Variants in PIK3C3 observed in about 807,000 individuals in gnomAD.
The protein encoded by PIK3C3 is PI3-kinase type 3.
In PIK3C3, 95 loss-of-function variants were observed where a neutral mutation model predicts 126.1. That is an observed-to-expected ratio of 0.75 (90% CI 0.64 to 0.89). The LOEUF (loss-of-function observed/expected upper bound fraction) is 0.89, where lower values mean the gene tolerates loss of function less well. PIK3C3 is among the 40% of genes least tolerant of loss of function. PIK3C3 has a pLI of 0.00. For missense variants in PIK3C3, 829 were observed against 1,063.2 expected (o/e 0.78, Z 3.06); for synonymous variants, 374 against 360.0 (o/e 1.04, Z -0.44).
intron 10 of PIK3C3, among the ~76,000 whole-genome samples, chr18:42,011,586 A>G (rs753138277): frequency 6.6e-6 from 1 of 152,134 alleles, no homozygotes; most frequent in Non-Finnish European, 1.5e-5. Context: ...CAAAACTTCT[A>G]TATCAGCAAT....
At position 42,078,340 on chromosome 18, in the gene PIK3C3, G is replaced by A. The variant is rs182523643; in HGVS notation, c.2650-2783G>A. Among the ~76,000 whole-genome samples the A allele has an allele frequency of 4.5e-3, 622 of 137,822 alleles. 6 individuals carry two copies. The highest frequency in any genetic ancestry group is 7.4e-3 in the South Asian group (32 of 4,352). 90.4% of individuals were successfully genotyped at this position (137,822 alleles called of 152,430 possible). Reference sequence around the variant, plus strand: ...TGCAGTGAGCCGAGATTGCGCCACTGCAGTCCGCAGTCCGGCCTGGGCAAC... The same window carrying A: ...TGCAGTGAGCCGAGATTGCGCCACTACAGTCCGCAGTCCGGCCTGGGCAAC... On this transcript the variant is annotated intron_variant, in intron 24 of 24. Transcript: ENST00000262039.
intron 4 of PIK3C3, among the ~76,000 whole-genome samples, chr18:41,979,064 TAAA>T (rs5824388): frequency 3.2e-5 from 3 of 93,764 alleles, no homozygotes; most frequent in African/African-American, 4.3e-5. Flanking sequence ...CCCCGTCTCT[TAAA>T]AAAAAAAAAA....
chr18:42,042,653 A>G (rs534218007), intron 19 of PIK3C3, among the ~76,000 whole-genome samples: 1 of 152,340 alleles, frequency 6.6e-6, no homozygotes, highest in African/African-American at 2.4e-5. Flanking sequence ...ATAAAATGAA[A>G]ACAGTGACAG....
At chr18:41,963,492 C>G (rs1980201749) in intron 3 of PIK3C3, among the ~76,000 whole-genome samples, 1 of 152,130 alleles carries the variant, frequency 6.6e-6, no homozygotes, top group African/African-American at 2.4e-5. Context: ...TGGCAGTACA[C>G]TACTAGTGAT....
At chr18:41,999,502 C>T (rs962758841) in intron 9 of PIK3C3, among the ~76,000 whole-genome samples, 2 of 152,060 alleles carry the variant, frequency 1.3e-5, no homozygotes, top group Admixed American at 6.6e-5. Context: ...ATATTTGTGT[C>T]TCCTGACAAG....
At chr18:42,057,756 TA>T in intron 21 of PIK3C3, 126 bp from the exon 22 acceptor site, 1 of 809,038 alleles carries the variant, frequency 1.2e-6, no homozygotes, top group East Asian at 2.8e-5. Context: ...TCGAAGAATT[TA>T]ATAGGCTTCA....
At chr18:42,040,256 A>C (rs1291365620) in intron 18 of PIK3C3, among the ~76,000 whole-genome samples, 1 of 151,412 alleles carries the variant, frequency 6.6e-6, no homozygotes, top group East Asian at 1.9e-4. Flanking sequence ...GCCATTACAT[A>C]ACAGTTTTAC....
At chr18:41,983,721 G>C (rs980778556) in intron 4 of PIK3C3, among the ~76,000 whole-genome samples, 1 of 152,118 alleles carries the variant, frequency 6.6e-6, no homozygotes, top group Non-Finnish European at 1.5e-5. Flanking sequence ...AGTGCAGCAA[G>C]TTGGCCTACT....
intron 4 of PIK3C3, among the ~76,000 whole-genome samples, chr18:41,986,766 A>T (rs1981497731): frequency 6.6e-6 from 1 of 152,076 alleles, no homozygotes; most frequent in Non-Finnish European, 1.5e-5. Flanking sequence ...CTTTTCATAC[A>T]TTTTCATATA....
intron 22 of PIK3C3, among the ~76,000 whole-genome samples, chr18:42,059,474 G>A (rs532053893): frequency 3.3e-4 from 50 of 152,186 alleles, no homozygotes; most frequent in Admixed American, 5.9e-4. Context: ...GGGAGGTGGC[G>A]GACAAGATGG....
intron 14 of PIK3C3, among the ~76,000 whole-genome samples, chr18:42,027,800 G>A (rs1217550032): frequency 3.3e-5 from 5 of 151,990 alleles, no homozygotes; most frequent in Non-Finnish European, 7.4e-5. Context: ...GATTAAAGGC[G>A]CCCGCTACCA....
At chr18:42,020,743 C>A in intron 13 of PIK3C3, 38 bp downstream of exon 13, 1 of 1,126,244 alleles carries the variant, frequency 8.9e-7, no homozygotes, top group Non-Finnish European at 1.3e-6. Flanking sequence ...TTCTTATTAC[C>A]CTTAAGAATT....
At chr18:42,077,375 CCAGAG>C (rs1245099716) in intron 24 of PIK3C3, among the ~76,000 whole-genome samples, 1 of 152,148 alleles carries the variant, frequency 6.6e-6, no homozygotes, top group Non-Finnish European at 1.5e-5. Flanking sequence ...AGCATTTTGC[CCAGAG>C]TAGAACTTTT....
chr18:42,050,227 A>G (rs1425774802), intron 21 of PIK3C3: 1 of 152,176 alleles, frequency 6.6e-6, no homozygotes, highest in Non-Finnish European at 1.5e-5. Flanking sequence ...GATTGTTAAA[A>G]TGTCCTTTCT....
intron 17 of PIK3C3, among the ~76,000 whole-genome samples, chr18:42,038,508 A>G (rs1053417420): frequency 9.9e-5 from 15 of 151,756 alleles, no homozygotes; most frequent in African/African-American, 3.4e-4. Context: ...CGCCCAGCTA[A>G]TTTTTTGTAT....
chr18:42,083,380 A>T lies in PIK3C3; in HGVS notation c.*2243A>T, dbSNP rs1174624554. 6.6e-6 allele frequency: 1 copy of T among 152,198 alleles called. No individual in the cohort carries two copies. Among genetic ancestry groups the T allele is most frequent in the Non-Finnish European group, 1.5e-5 (1 of 68,036 alleles). 9.4% of individuals were successfully genotyped at this position (152,198 alleles called of 1,614,324 possible). On this transcript the variant is annotated 3_prime_UTR_variant, in exon 25 of 25. Transcript: ENST00000262039. ...ACATCACTTTAATTAAAAAAGTGTG[A>T]GTACTATGGTCATTAAGTTATTCAG... is the stretch of plus-strand genomic sequence containing the variant.
intron 10 of PIK3C3, among the ~76,000 whole-genome samples, chr18:42,006,417 T>C (rs1400241436): frequency 9.1e-6 from 1 of 109,620 alleles, no homozygotes; most frequent in Non-Finnish European, 1.7e-5. Context: ...GATTAAATCA[T>C]TGGCTGCTGG....
intron 22 of PIK3C3, chr18:42,059,770 C>CTTT (rs35520496): frequency 1.4e-5 from 2 of 141,026 alleles, no homozygotes; most frequent in Non-Finnish European, 1.6e-5. Context: ...ATTTGATCAA[C>CTTT]TTTTTTTTTT....
Position 42,026,284 on chromosome 18 carries a change from A to G in PIK3C3, c.1485-1159A>G, listed in dbSNP as rs372504023. On this transcript the variant is annotated intron_variant, in intron 13 of 24. Coordinates refer to ENST00000262039, the MANE Select transcript of PIK3C3 (RefSeq NM_002647.4). ...ATTGATGGTTTTCAAACTACACATC[A>G]TCATGATCCACTGAAAGTAATTTAA... The G allele has an allele frequency of 1.3e-4, 20 of 152,366 alleles. No homozygotes were observed. In the East Asian group the frequency reaches 3.3e-3, roughly 25 times the overall value. 9.4% of individuals were successfully genotyped at this position (152,366 alleles called of 1,614,324 possible). A position where few individuals can be genotyped will look rare whatever the true frequency, so the allele number is the denominator to read the frequency against.
Sources: gnomAD v4.1 joint callset for allele counts (sites outside exome capture counted in the v4.1 genomes callset) on GRCh38, gnomAD v4.1.1 for gene constraint, MANE v1.5 for transcripts, NCBI Gene and HGNC (gene_info 2026-07-23, HGNC 2026-07-21) for gene names.